Variants in TMEM181 observed in about 807,000 individuals in gnomAD.
TMEM181 encodes the protein G protein-coupled receptor 178.
A neutral mutation model predicts 71.9 loss-of-function variants in TMEM181; 39 were observed. That is an observed-to-expected ratio of 0.54 (90% CI 0.42 to 0.71). TMEM181 has a LOEUF of 0.71. Among genes scored for constraint, TMEM181 ranks in the 30% least tolerant of loss-of-function variants. TMEM181 has a pLI of 0.00. For synonymous variants in TMEM181, 245 were observed against 228.8 expected (o/e 1.07, Z -0.64); for missense variants, 595 against 583.0 (o/e 1.02, Z -0.21).
intron 4 of TMEM181, 25 bp from the exon 5 acceptor site, chr6:158,585,278 TA>T (rs1783703682): frequency 2.5e-6 from 4 of 1,582,464 alleles, no homozygotes; most frequent in Middle Eastern, 3.4e-4. Flanking sequence ...GCATGGTCTC[TA>T]ACACTGAATT....
intron 1 of TMEM181, among the ~76,000 whole-genome samples, chr6:158,539,629 C>T (rs1226169898): frequency 6.6e-6 from 1 of 152,264 alleles, no homozygotes; most frequent in Non-Finnish European, 1.5e-5. Flanking sequence ...ATTGGCCCCT[C>T]TGTTCAGCAG....
chr6:158,616,697 G>A (rs185438614), intron 10 of TMEM181, among the ~76,000 whole-genome samples: 5 of 152,272 alleles, frequency 3.3e-5, no homozygotes, highest in East Asian at 3.9e-4. Flanking sequence ...AGCATGAAGC[G>A]CTGTTGAATT....
chr6:158,605,009 G>A (rs940236007), intron 6 of TMEM181, among the ~76,000 whole-genome samples: 1 of 151,860 alleles, frequency 6.6e-6, no homozygotes, highest in Admixed American at 6.6e-5. Context: ...AGCTACTCAG[G>A]AGGCTGAGGT....
chr6:158,599,838 T>C (rs1395612504), intron 6 of TMEM181, among the ~76,000 whole-genome samples: 2 of 152,248 alleles, frequency 1.3e-5, no homozygotes, highest in African/African-American at 4.8e-5. Flanking sequence ...CACAAACGCA[T>C]GTCAGATTGA....
rs1483059703 is a variant in TMEM181 at position 158,635,149 on chromosome 6, C to T, written c.*3261C>T. On this transcript the variant is annotated 3_prime_UTR_variant, in exon 17 of 17. Coordinates refer to ENST00000684151, the MANE Select transcript of TMEM181 (RefSeq NM_001376852.1). ...GGAGATACGCTAGTAACTGTGATAC[C>T]ATACTATAAAACAGAAGAATTTTCT... is the stretch of plus-strand genomic sequence containing the variant. 1.3e-5 allele frequency: 2 copies of T among 152,070 alleles called. No homozygotes were observed. The highest frequency in any genetic ancestry group is 1.3e-4 in the Admixed American group (2 of 15,272). 9.4% of individuals were successfully genotyped at this position (152,070 alleles called of 1,614,324 possible).
intron 10 of TMEM181, among the ~76,000 whole-genome samples, chr6:158,613,707 A>G (rs146618659): frequency 6.7e-4 from 102 of 152,334 alleles, no homozygotes; most frequent in African/African-American, 2.2e-3. Context: ...AGTTTCTCCA[A>G]TTGTGTTCTG....
At chr6:158,580,005 G>A (rs941089262) in intron 2 of TMEM181, among the ~76,000 whole-genome samples, 1 of 152,024 alleles carries the variant, frequency 6.6e-6, no homozygotes, top group African/African-American at 2.4e-5. Flanking sequence ...CAGTATGAAC[G>A]TATTTACTAC....
At chr6:158,585,505 AG>A in intron 5 of TMEM181, 80 bp downstream of exon 5, 1 of 1,336,274 alleles carries the variant, frequency 7.5e-7, no homozygotes, top group Non-Finnish European at 9.7e-7. Context: ...CCAGTCTAAA[AG>A]ATAGCATGGT....
chr6:158,631,403 C>T lies in TMEM181; in HGVS notation c.1349+14C>T, dbSNP rs1353049386. On this transcript the variant is annotated intron_variant, in intron 16 of 16. Coordinates refer to ENST00000684151, the MANE Select transcript of TMEM181 (RefSeq NM_001376852.1). ...TGTGATTTATGGGTAAGTCCCTGTC[C>T]GTTAGAAGGCCGGCACACCTTGGGC... 10 of 1,613,902 alleles carry T rather than the reference C, an allele frequency of 6.2e-6. No homozygotes were observed. Among genetic ancestry groups the T allele is most frequent in the East Asian group, 2.2e-5 (1 of 44,882 alleles).
At chr6:158,594,257 C>T (rs1348949646) in intron 6 of TMEM181, among the ~76,000 whole-genome samples, 4 of 151,930 alleles carry the variant, frequency 2.6e-5, no homozygotes, top group Non-Finnish European at 4.4e-5. Context: ...CACCACTATG[C>T]GTGGCTAATT....
rs775454712 is a variant in TMEM181, at chr6:158,608,296, C to T, written c.674-37C>T. The T allele has an allele frequency of 2.5e-6, 4 of 1,613,102 alleles. No homozygotes were observed. In the African/African-American group the frequency reaches 5.3e-5, roughly 22 times the overall value. On this transcript the variant is annotated intron_variant, in intron 8 of 16. Transcript: ENST00000684151. Reference sequence around the variant, plus strand: ...TGCTGTCTGCCAGGTGCTGGCGGGCCTGTTTTCCACATGGATTTCTGCCCT... The same window carrying T: ...TGCTGTCTGCCAGGTGCTGGCGGGCTTGTTTTCCACATGGATTTCTGCCCT...
chr6:158,608,189 ATGGGGTG>A (rs1367102607), intron 8 of TMEM181, 137 bp from the exon 9 acceptor site: 25 of 1,072,218 alleles, frequency 2.3e-5, no homozygotes, highest in Middle Eastern at 2.7e-4. Flanking sequence ...CCGCACAGGT[ATGGGGTG>A]CTGTCTGCCA....
At chr6:158,589,892 G>A (rs1784009912) in intron 6 of TMEM181, 110 bp downstream of exon 6, 2 of 798,880 alleles carry the variant, frequency 2.5e-6, no homozygotes, top group Admixed American at 5.5e-5. Context: ...TTTGGACAGT[G>A]GAGGACTTGT....
chr6:158,604,633 C>G lies in TMEM181; in HGVS notation c.493-634C>G, dbSNP rs533812899. Among the ~76,000 whole-genome samples, 7 of 152,328 alleles carry G rather than the reference C, an allele frequency of 4.6e-5. No homozygotes were observed. In the South Asian group the frequency reaches 1.5e-3, roughly 32 times the overall value. On this transcript the variant is annotated intron_variant, in intron 6 of 16. Transcript: ENST00000684151. ...TGAGAACGGACTCCTTCAACTGCAG[C>G]TCACTCTTCTGCTTTCACATTCATA...
In TMEM181 at chr6:158,583,811, G is replaced by A. The variant is rs1783608938; in HGVS notation, c.169-143G>A. The stretch of plus-strand genomic sequence containing the variant: ...TGAGACTCCATCAAAATAAAAAAAA[G>A]AAGGAAAACCTCACATATTTCTGTT... On this transcript the variant is annotated intron_variant, in intron 3 of 16. Coordinates refer to ENST00000684151, the MANE Select transcript of TMEM181 (RefSeq NM_001376852.1). The A allele has an allele frequency of 1.7e-5, 10 of 575,772 alleles. No individual in the cohort carries two copies. The East Asian group carries it at 3.1e-4, about 18-fold the overall frequency. 35.7% of individuals were successfully genotyped at this position (575,772 alleles called of 1,614,324 possible).
intron 6 of TMEM181, among the ~76,000 whole-genome samples, chr6:158,602,142 A>G (rs952398979): frequency 3.3e-5 from 5 of 152,088 alleles, no homozygotes; most frequent in Non-Finnish European, 7.3e-5. Context: ...TTTTTTGAGA[A>G]TTTTATGTAA....
Position 158,608,639 on chromosome 6 carries a change from T to A in TMEM181, c.805-20T>A. On this transcript the variant is annotated intron_variant, in intron 9 of 16. Transcript: ENST00000684151. ...AATTTGGTTTTCTTTATTTCTTACT[T>A]CTTATTTTTTTCTTTTTAGGGAGAA... 3 of 1,599,872 alleles carry A rather than the reference T, an allele frequency of 1.9e-6. No homozygotes were observed. Among genetic ancestry groups the A allele is most frequent in the African/African-American group, 1.4e-5 (1 of 73,758 alleles).
intron 1 of TMEM181, among the ~76,000 whole-genome samples, chr6:158,550,336 C>G (rs11968880): frequency 6.6e-6 from 1 of 151,066 alleles, no homozygotes; most frequent in South Asian, 2.1e-4. Context: ...TGAGCCACCA[C>G]GCCCGGCCGA....
At chr6:158,605,159 T>TAA in intron 6 of TMEM181, 108 bp from the exon 7 acceptor site, 1 of 703,234 alleles carries the variant, frequency 1.4e-6, no homozygotes, top group Non-Finnish European at 2.5e-6. Context: ...TGTGTGTGTG[T>TAA]ATGTGTATAT....
Sources: gnomAD v4.1 joint callset for allele counts (sites outside exome capture counted in the v4.1 genomes callset) on GRCh38, gnomAD v4.1.1 for gene constraint, MANE v1.5 for transcripts, NCBI Gene and HGNC (gene_info 2026-07-23, HGNC 2026-07-21) for gene names.